The following CASR variants were observed in gnomAD, a reference collection of about 807,000 sequenced individuals.
CASR encodes calcium sensing receptor.
In CASR, 23 loss-of-function variants were observed where a neutral mutation model predicts 69.1. That is an observed-to-expected ratio of 0.33 (90% CI 0.24 to 0.47). The LOEUF (loss-of-function observed/expected upper bound fraction) is 0.47, where lower values mean the gene tolerates loss of function less well. CASR is among the 20% of genes least tolerant of loss of function. CASR has a pLI of 1.00. For synonymous variants in CASR, 541 were observed against 544.7 expected (o/e 0.99, Z 0.10); for missense variants, 924 against 1,356.1 (o/e 0.68, Z 5.00).
chr3:122,201,773 C>T (rs2073955430), intron 1 of CASR, among the ~76,000 whole-genome samples: 2 of 152,280 alleles, frequency 1.3e-5, no homozygotes, highest in Non-Finnish European at 1.5e-5. Context: ...CTCCTCACTT[C>T]TCAGACGGGG....
rs2074859188 is a variant in CASR at position 122,279,261 on chromosome 3, G to A, written c.1609-2852G>A. 3.3e-5 allele frequency among the ~76,000 whole-genome samples: 5 copies of A among 152,312 alleles called. No individual in the cohort carries two copies. The South Asian group carries it at 1.0e-3, about 32-fold the overall frequency. On this transcript the variant is annotated intron_variant, in intron 5 of 6. Coordinates refer to ENST00000639785, the MANE Select transcript of CASR (RefSeq NM_000388.4). ...ACCACATCCCTAGACATTTATATGA[G>A]AGAGAAATACAGTTCAGTCTTGTTG... is the stretch of plus-strand genomic sequence containing the variant.
chr3:122,212,234 A>G (rs113342781), intron 1 of CASR, among the ~76,000 whole-genome samples: 172 of 152,360 alleles, frequency 1.1e-3, no homozygotes, highest in African/African-American at 3.8e-3. Flanking sequence ...ACCCATAAAA[A>G]GAAACCAGAT....
In CASR at chr3:122,183,692, C is replaced by A. The variant is rs910065015; in HGVS notation, c.-363C>A. The A allele has an allele frequency of 4.6e-5, 7 of 152,190 alleles. No homozygotes were observed. Among genetic ancestry groups the A allele is most frequent in the Admixed American group, 1.3e-4 (2 of 15,284 alleles). The allele number at this position is 152,190 out of a possible 1,614,324, so 9.4% of individuals were successfully genotyped here. A position where few individuals can be genotyped will look rare whatever the true frequency, so the allele number is the denominator to read the frequency against. ...TAGAGTAGACCAAGTGCAACAGGCA[C>A]CTGGCTGCAGCCAGGAAGGACCGCA... On this transcript the variant is annotated 5_prime_UTR_variant, in exon 1 of 7. Transcript: ENST00000639785.
chr3:122,218,491 G>A (rs2074139486), intron 1 of CASR, among the ~76,000 whole-genome samples: 2 of 144,900 alleles, frequency 1.4e-5, no homozygotes, highest in African/African-American at 5.1e-5. Flanking sequence ...CCGAGATCAT[G>A]CCACTGCACT....
rs1376231303 is a variant in CASR at position 122,275,840 on chromosome 3, T to G, written c.1406T>G (p.Phe469Cys). 6.2e-7 allele frequency: 1 copy of G among 1,613,996 alleles called. No individual in the cohort carries two copies. Among genetic ancestry groups the G allele is most frequent in the Non-Finnish European group, 8.5e-7 (1 of 1,179,924 alleles). ...QVLKHLRHLN[F>C]TNNMGEQVTF... The stretch of plus-strand genomic sequence containing the variant: ...CTGAAGCACCTACGGCATCTAAACT[T>G]TACAAACAATATGGGGGAGCAGGTG... Residue 469 changes from phenylalanine to cysteine, a missense_variant, in exon 5 of 7, where the codon TTT (phenylalanine) becomes TGT (cysteine). Around this residue, in one of 8 missense-constraint regions of CASR, gnomAD observed 310 missense variants for 395.7 expected, o/e 0.78. Coordinates refer to ENST00000639785, the MANE Select transcript of CASR (RefSeq NM_000388.4).
chr3:122,217,015 ACTGT>A (rs1436000701), intron 1 of CASR, among the ~76,000 whole-genome samples: 1 of 152,244 alleles, frequency 6.6e-6, no homozygotes, highest in Non-Finnish European at 1.5e-5. Context: ...CGTGGAGCTG[ACTGT>A]CTAACAAAGG....
intron 1 of CASR, among the ~76,000 whole-genome samples, chr3:122,218,208 A>G (rs1462238802): frequency 6.6e-6 from 1 of 152,094 alleles, no homozygotes; most frequent in Non-Finnish European, 1.5e-5. Context: ...GTAGCTTAAC[A>G]CAGGGCCATA....
chr3:122,231,757 A>G (rs1402186830), intron 1 of CASR, among the ~76,000 whole-genome samples: 4 of 68,454 alleles, frequency 5.8e-5, no homozygotes, highest in Non-Finnish European at 1.2e-4. Context: ...CCTCCCACTC[A>G]CAAAAAAAAA....
chr3:122,267,682 T>C (rs2074710127), intron 4 of CASR, among the ~76,000 whole-genome samples: 1 of 152,206 alleles, frequency 6.6e-6, no homozygotes, highest in Non-Finnish European at 1.5e-5. Context: ...CAGAACCTTT[T>C]GGGAAGGTGG....
chr3:122,261,497 A>G lies in CASR; in HGVS notation c.493-31A>G, dbSNP rs201251280. The G allele has an allele frequency of 2.9e-5, 47 of 1,609,546 alleles. No homozygotes were observed. In the Admixed American group the frequency reaches 5.8e-4, roughly 20 times the overall value. On this transcript the variant is annotated intron_variant, in intron 3 of 6. Coordinates refer to ENST00000639785, the MANE Select transcript of CASR (RefSeq NM_000388.4). ...TCAGCACCTCTTCACTCACTCACTC[A>G]CTCATTCACCATGTTCTTGGTTCTC...
intron 1 of CASR, among the ~76,000 whole-genome samples, chr3:122,223,866 G>GA (rs34172859): frequency 0.72 from 109,344 of 152,092 alleles, 39,591 homozygotes; most frequent in Admixed American, 0.82. Context: ...TTTATTCCTG[G>GA]ATGCAAAGTT....
intron 1 of CASR, among the ~76,000 whole-genome samples, chr3:122,187,704 A>G (rs2073800219): frequency 6.6e-6 from 1 of 152,212 alleles, no homozygotes; most frequent in Admixed American, 6.5e-5. Flanking sequence ...AGACAAAAGA[A>G]GAAGGTATAA....
chr3:122,257,770 T>G, intron 3 of CASR: 1 of 173,286 alleles, frequency 5.8e-6, no homozygotes. Context: ...CTGTCCCGAA[T>G]TCCATTTCCT....
rs1019531190 is a variant in CASR, at chr3:122,254,521, C to T, written c.185+147C>T. ...GTAATCATGCTGAAGCTTATTGCCCCCACAACCTGCCTTTTTTTTCCTGAA... is the reference window on the plus strand; with the variant it reads ...GTAATCATGCTGAAGCTTATTGCCCTCACAACCTGCCTTTTTTTTCCTGAA... On this transcript the variant is annotated intron_variant, in intron 2 of 6. Transcript: ENST00000639785. 8 of 763,516 alleles carry T rather than the reference C, an allele frequency of 1.0e-5. No homozygotes were observed. In the African/African-American group the frequency reaches 1.2e-4, roughly 12 times the overall value. The allele number at this position is 763,516 out of a possible 1,614,324, so 47.3% of individuals were successfully genotyped here. A position where few individuals can be genotyped will look rare whatever the true frequency, so the allele number is the denominator to read the frequency against.
At chr3:122,231,992 T>C (rs2074283252) in intron 1 of CASR, among the ~76,000 whole-genome samples, 2 of 152,138 alleles carry the variant, frequency 1.3e-5, no homozygotes, top group African/African-American at 2.4e-5. Context: ...CATGTCCAGA[T>C]AGCCATCGCA....
At chr3:122,218,360 C>T (rs1231829609) in intron 1 of CASR, among the ~76,000 whole-genome samples, 1 of 151,828 alleles carries the variant, frequency 6.6e-6, no homozygotes, top group Non-Finnish European at 1.5e-5. Context: ...ATGGTGAAAC[C>T]CCGCCTCTAC....
intron 1 of CASR, among the ~76,000 whole-genome samples, chr3:122,208,145 T>C (rs566727483): frequency 2.0e-5 from 3 of 152,328 alleles, no homozygotes; most frequent in African/African-American, 7.2e-5. Flanking sequence ...ACTTACAAAG[T>C]ATATATTTCA....
At position 122,267,379 on chromosome 3, in the gene CASR, C is replaced by T. The variant is rs558717441; in HGVS notation, c.1377+4967C>T. Among the ~76,000 whole-genome samples, 4 of 152,088 alleles carry T rather than the reference C, an allele frequency of 2.6e-5. No homozygotes were observed. The South Asian group carries it at 8.3e-4, about 32-fold the overall frequency. On this transcript the variant is annotated intron_variant, in intron 4 of 6. Coordinates refer to ENST00000639785, the MANE Select transcript of CASR (RefSeq NM_000388.4). Reference sequence around the variant, plus strand: ...TCATGTGATTTTATTTATATACCTGCTGTGAGGACATAGTACAATACAATT... The same window carrying T: ...TCATGTGATTTTATTTATATACCTGTTGTGAGGACATAGTACAATACAATT...
chr3:122,250,852 T>A (rs1291451072), intron 1 of CASR, among the ~76,000 whole-genome samples: 3 of 152,190 alleles, frequency 2.0e-5, no homozygotes, highest in African/African-American at 4.8e-5. Flanking sequence ...TTTTTCCACT[T>A]CTGAGTGTTA....
Sources: allele counts gnomAD v4.1 joint callset (sites outside exome capture counted in the v4.1 genomes callset), GRCh38; gene constraint gnomAD v4.1.1; regional missense constraint gnomAD v4.1.1; transcripts MANE v1.5; gene names NCBI Gene and HGNC (gene_info 2026-07-23, HGNC 2026-07-21).